TIPIN: variants seen among roughly 807,000 people sequenced by gnomAD.
The protein encoded by TIPIN is TIMELESS-interacting protein.
Under a neutral mutation model 35.6 loss-of-function variants are expected in TIPIN, and 29 were observed. The observed-to-expected ratio is 0.82, with a 90% CI of 0.61 to 1.11. The LOEUF is 1.11. Among genes scored for constraint, TIPIN ranks in the 50% most tolerant of loss-of-function variants. TIPIN has a pLI of 0.00. For missense variants in TIPIN, 296 were observed against 345.4 expected, an observed-to-expected ratio of 0.86 and a Z score of 1.13; for synonymous variants, 102 against 121.5, an observed-to-expected ratio of 0.84 and a Z score of 1.06.
intron 1 of TIPIN, among the ~76,000 whole-genome samples, chr15:66,370,399 A>C (rs1055380242): frequency 6.6e-6 from 1 of 152,126 alleles, no homozygotes; most frequent in South Asian, 2.1e-4. Flanking sequence ...GTGGCTCTCA[A>C]AATAACCTAG....
At chr15:66,384,176 T>C (rs901273246) in intron 1 of TIPIN, among the ~76,000 whole-genome samples, 1 of 149,836 alleles carries the variant, frequency 6.7e-6, no homozygotes, top group African/African-American at 2.5e-5. Flanking sequence ...TTTTGTATTT[T>C]TTAGTAGAGA....
At chr15:66,359,550 C>T (rs2093222533), upstream of TIPIN, among the ~76,000 whole-genome samples, 1 of 151,946 alleles carries the variant, frequency 6.6e-6, no homozygotes, top group African/African-American at 2.4e-5. Flanking sequence ...TGGGGTTTCA[C>T]CATGTTGGTC....
At chr15:66,367,695 CA>C (rs767963265) in intron 1 of TIPIN, among the ~76,000 whole-genome samples, 12 of 150,894 alleles carry the variant, frequency 8.0e-5, no homozygotes, top group Middle Eastern at 3.4e-3. Context: ...ACTTGGCTAG[CA>C]AGTCTTTCTA....
intron 1 of TIPIN, among the ~76,000 whole-genome samples, chr15:66,362,821 C>T (rs1208232441): frequency 6.6e-6 from 1 of 152,052 alleles, no homozygotes; most frequent in Non-Finnish European, 1.5e-5. Flanking sequence ...AAGCAAAATC[C>T]CTGAGTCTTC....
rs146108611 is a variant in TIPIN at position 66,338,596 on chromosome 15, C to T, written c.683-1415G>A. On this transcript the variant is annotated intron_variant, in intron 7 of 7. Coordinates refer to ENST00000261881, the MANE Select transcript of TIPIN (RefSeq NM_017858.3). ...TTAGGAGACCGAGGTGGGTGGATCA[C>T]GAGGTTAGGGGATCGAGACCATCCT... is the stretch of plus-strand genomic sequence containing the variant. Among the ~76,000 whole-genome samples the T allele has an allele frequency of 2.4e-3, 362 of 151,950 alleles. 1 individual carries two copies. Among genetic ancestry groups the T allele is most frequent in the Middle Eastern group, 0.01 (3 of 294 alleles).
intron 1 of TIPIN, chr15:66,379,213 G>T: frequency 7.5e-7 from 1 of 1,325,246 alleles, no homozygotes; most frequent in Non-Finnish European, 1.0e-6. Flanking sequence ...GATGCACCTG[G>T]AATTTATTTA....
At chr15:66,374,148 C>T (rs909279072) in intron 1 of TIPIN, among the ~76,000 whole-genome samples, 2 of 151,894 alleles carry the variant, frequency 1.3e-5, no homozygotes, top group African/African-American at 2.4e-5. Flanking sequence ...GTTGCCCAGG[C>T]TAGCCTTGAA....
chr15:66,386,628 G>T (rs1363523236), exon 1 of TIPIN: 1 of 171,660 alleles, frequency 5.8e-6, no homozygotes, highest in Admixed American at 6.4e-5. Context: ...AGGCCGCGCG[G>T]CACCTGGCCT....
At chr15:66,376,847 G>A (rs1041131538) in intron 1 of TIPIN, among the ~76,000 whole-genome samples, 18 of 150,540 alleles carry the variant, frequency 1.2e-4, no homozygotes, top group Non-Finnish European at 2.4e-4. Context: ...GGTGGCTTAC[G>A]CCTGTAATCC....
chr15:66,371,507 G>A (rs928501632), intron 1 of TIPIN: 3 of 498,864 alleles, frequency 6.0e-6, no homozygotes, highest in African/African-American at 2.1e-5. Context: ...TCTTTTCTCT[G>A]GTAATTGTTT....
intron 1 of TIPIN, among the ~76,000 whole-genome samples, chr15:66,381,395 G>A (rs759727352): frequency 5.9e-5 from 9 of 151,648 alleles, no homozygotes; most frequent in Admixed American, 2.0e-4. Context: ...CCCCAATTGC[G>A]CCACGGCACT....
intron 6 of TIPIN, among the ~76,000 whole-genome samples, chr15:66,346,610 T>A (rs1043530664): frequency 6.6e-6 from 1 of 152,160 alleles, no homozygotes; most frequent in Admixed American, 6.6e-5. Context: ...CAAAGGGGCC[T>A]GATCGTAGTC....
chr15:66,367,049 G>T (rs1025355716), intron 1 of TIPIN: 2 of 194,786 alleles, frequency 1.0e-5, no homozygotes, highest in African/African-American at 4.7e-5. Context: ...ACGTGCTGGT[G>T]AGCACCTGTA....
chr15:66,356,448 G>A (rs1010821776), intron 1 of TIPIN, among the ~76,000 whole-genome samples, 191 bp downstream of exon 1: 1 of 152,010 alleles, frequency 6.6e-6, no homozygotes, highest in East Asian at 1.9e-4. Context: ...CTAAGCAACC[G>A]GGACACGCGC....
intron 6 of TIPIN, among the ~76,000 whole-genome samples, chr15:66,342,205 A>AAAG (rs1555407162): frequency 1.3e-5 from 2 of 150,632 alleles, no homozygotes; most frequent in South Asian, 2.1e-4. Flanking sequence ...AAAAAAAAAA[A>AAAG]AAAGAAAGAA....
At chr15:66,382,816 G>A (rs746432792) in intron 1 of TIPIN, 1 of 460,638 alleles carries the variant, frequency 2.2e-6, no homozygotes, top group Non-Finnish European at 2.9e-6. Flanking sequence ...AAATATATAT[G>A]TTACAGTGTT....
intron 1 of TIPIN, among the ~76,000 whole-genome samples, chr15:66,365,736 G>A (rs1337997882): frequency 3.3e-5 from 5 of 152,176 alleles, no homozygotes; most frequent in East Asian, 3.9e-4. Context: ...TAGTAAAGAC[G>A]GGGTTTCACC....
At chr15:66,342,102 T>C (rs2093091413) in intron 6 of TIPIN, among the ~76,000 whole-genome samples, 1 of 147,560 alleles carries the variant, frequency 6.8e-6, no homozygotes, top group African/African-American at 2.5e-5. Flanking sequence ...GAGAATTGCT[T>C]GAACCGGGAC....
intron 1 of TIPIN, among the ~76,000 whole-genome samples, chr15:66,369,713 G>A (rs958451863): frequency 6.6e-6 from 1 of 152,196 alleles, no homozygotes; most frequent in African/African-American, 2.4e-5. Context: ...TGTTGGAGAT[G>A]AAACCTTTTC....
Sources: allele counts gnomAD v4.1 joint callset (sites outside exome capture counted in the v4.1 genomes callset), GRCh38; gene constraint gnomAD v4.1.1; transcripts MANE v1.5; gene names NCBI Gene and HGNC (gene_info 2026-07-23, HGNC 2026-07-21).